The following NUDT3 variants were observed in gnomAD, a reference collection of about 807,000 sequenced individuals.
NUDT3 encodes the protein nudix hydrolase 3, also known as diphosphoinositol polyphosphate phosphohydrolase 1.
A neutral mutation model predicts 23.6 loss-of-function variants in NUDT3; 9 were observed. The observed-to-expected ratio is 0.38, with a 90% confidence interval of 0.23 to 0.66. The LOEUF is 0.66. Ranked by LOEUF, NUDT3 falls within the 30% of genes least tolerant of loss-of-function variation. NUDT3 has a pLI of 0.52. For missense variants in NUDT3, 172 were observed against 218.5 expected (o/e 0.79, Z 1.34); for synonymous variants, 86 against 82.6 (o/e 1.04, Z -0.22).
chr6:34,354,424 CACACAT>C lies in NUDT3; in HGVS notation c.100-12458_100-12453del, dbSNP rs1223694197. Among the ~76,000 whole-genome samples, 565 of 145,796 alleles carry C rather than the reference CACACAT, an allele frequency of 3.9e-3. 5 individuals carry two copies. The highest frequency in any genetic ancestry group is 0.019 in the East Asian group (96 of 5,118). ...ACACACACACACACACACACACACACACACATACACACTCTTGGCCGGGCACAGTGG... is the reference window on the plus strand; with the variant it reads ...ACACACACACACACACACACACACACACACACTCTTGGCCGGGCACAGTGG... On this transcript the variant is annotated intron_variant, in intron 1 of 4. Transcript: ENST00000607016.
chr6:34,351,161 G>A (rs962945624), intron 1 of NUDT3, among the ~76,000 whole-genome samples: 2 of 105,620 alleles, frequency 1.9e-5, no homozygotes, highest in East Asian at 3.1e-4. Flanking sequence ...ACCAGCCTGG[G>A]CAACACATTG....
At chr6:34,351,198 T>TAAAA (rs71000051) in intron 1 of NUDT3, among the ~76,000 whole-genome samples, 294 of 17,876 alleles carry the variant, frequency 0.016, 72 homozygotes, top group Non-Finnish European at 0.027. Flanking sequence ...CTCCCCTGCC[T>TAAAA]AAAAAAAAAA....
chr6:34,389,779 C>T (rs548010613), intron 1 of NUDT3, among the ~76,000 whole-genome samples: 18 of 152,148 alleles, frequency 1.2e-4, no homozygotes, highest in African/African-American at 3.6e-4. Context: ...CTGGCTAACA[C>T]GGTAACAACC....
intron 2 of NUDT3, among the ~76,000 whole-genome samples, chr6:34,325,994 C>T (rs956476325): frequency 4.0e-5 from 6 of 151,598 alleles, no homozygotes; most frequent in Non-Finnish European, 7.4e-5. Flanking sequence ...AAATGTCAAA[C>T]ATACAGAAAA....
chr6:34,380,961 T>C (rs139550115), intron 1 of NUDT3, among the ~76,000 whole-genome samples: 14 of 152,248 alleles, frequency 9.2e-5, no homozygotes, highest in Non-Finnish European at 1.8e-4. Context: ...CTTCAAAGGC[T>C]TCTCCAATTC....
At chr6:34,289,240 T>A (rs1285430112) in intron 4 of NUDT3, among the ~76,000 whole-genome samples, 1 of 152,098 alleles carries the variant, frequency 6.6e-6, no homozygotes, top group African/African-American at 2.4e-5. Context: ...TACATAGGGA[T>A]CAAAGCCCAG....
intron 2 of NUDT3, among the ~76,000 whole-genome samples, chr6:34,325,999 A>T (rs1419068250): frequency 2.0e-5 from 3 of 151,678 alleles, no homozygotes; most frequent in African/African-American, 7.3e-5. Context: ...TCAAACATAC[A>T]GAAAAATTAT....
chr6:34,322,015 AT>A (rs946861963), intron 2 of NUDT3, among the ~76,000 whole-genome samples: 63 of 152,200 alleles, frequency 4.1e-4, no homozygotes, highest in African/African-American at 1.4e-3. Context: ...GAAAGCCTTA[AT>A]TAGTTTAACT....
chr6:34,374,332 G>T (rs189255525), intron 1 of NUDT3, among the ~76,000 whole-genome samples: 108 of 152,246 alleles, frequency 7.1e-4, no homozygotes, highest in African/African-American at 2.6e-3. Flanking sequence ...TGGCTGGATA[G>T]ATCATGTCTA....
chr6:34,293,803 A>G (rs970966008), intron 3 of NUDT3, among the ~76,000 whole-genome samples: 2 of 152,170 alleles, frequency 1.3e-5, no homozygotes, highest in Non-Finnish European at 2.9e-5. Flanking sequence ...CAGGAATACT[A>G]TGAGAAGAAA....
At chr6:34,346,796 C>A (rs1293840454) in intron 1 of NUDT3, among the ~76,000 whole-genome samples, 2 of 152,100 alleles carry the variant, frequency 1.3e-5, no homozygotes, top group African/African-American at 2.4e-5. Context: ...CATTCTGTTG[C>A]CCAGGCTGAA....
rs949428320 is a variant in NUDT3, at chr6:34,293,544, C to T, written c.256-9G>A. ...TGCTTCCTCTCCTGGTTCTGAAGGG[C>T]AAAGAGAGAAGGATAGAGAGAGTTT... On this transcript the variant is annotated splice_polypyrimidine_tract_variant and intron_variant, in intron 3 of 4. Transcript: ENST00000607016. 3.1e-6 allele frequency: 5 copies of T among 1,613,844 alleles called. No individual in the cohort carries two copies. Among genetic ancestry groups the T allele is most frequent in the Non-Finnish European group, 4.2e-6 (5 of 1,179,944 alleles).
intron 1 of NUDT3, among the ~76,000 whole-genome samples, chr6:34,382,986 G>A (rs1034732680): frequency 7.3e-5 from 11 of 150,686 alleles, no homozygotes; most frequent in African/African-American, 2.5e-4. Context: ...AATTAGCTGG[G>A]TGCGGTGGCA....
chr6:34,316,735 G>A (rs1334574648), intron 2 of NUDT3, among the ~76,000 whole-genome samples: 2 of 152,192 alleles, frequency 1.3e-5, no homozygotes, highest in African/African-American at 2.4e-5. Flanking sequence ...TGGTATTAGA[G>A]GAGCAGCAAG....
Position 34,312,892 on chromosome 6 carries a change from C to T in NUDT3, c.211-17207G>A, listed in dbSNP as rs115176347. On this transcript the variant is annotated intron_variant, in intron 2 of 4. Transcript: ENST00000607016. ...ATGTAAGGACATGGAGAGGGCCAGG[C>T]ATGGTGGCTCACGTCTATAATCCCA... Among the ~76,000 whole-genome samples the T allele has an allele frequency of 3.2e-3, 491 of 152,252 alleles. 4 individuals carry two copies. The highest frequency in any genetic ancestry group is 0.027 in the Middle Eastern group (8 of 294).
Position 34,288,880 on chromosome 6 carries a change from T to A in NUDT3, c.392A>T (p.Tyr131Phe). 1.2e-6 allele frequency: 2 copies of A among 1,614,060 alleles called. No homozygotes were observed. The highest frequency in any genetic ancestry group is 1.7e-4 in the Middle Eastern group (1 of 6,060). Residue 131 changes from tyrosine (Y) to phenylalanine (F), a missense_variant, in exon 5 of 5, where the codon TAT (tyrosine) becomes TTT (phenylalanine). Transcript: ENST00000607016. ...ATATGATGCCTGCACGGGTTTGTGA[T>A]ACTGCAGCACTTTTATGGCGTCTTC... ...KIEDAIKVLQ[Y>F]HKPVQASYFE... is the part of the protein sequence containing the mutation.
At chr6:34,329,446 A>G (rs1186309113) in intron 2 of NUDT3, among the ~76,000 whole-genome samples, 1 of 151,852 alleles carries the variant, frequency 6.6e-6, no homozygotes, top group Non-Finnish European at 1.5e-5. Context: ...ACGCCTGGCT[A>G]ATTTTTGTAT....
intron 1 of NUDT3, among the ~76,000 whole-genome samples, chr6:34,364,636 C>T (rs922325074): frequency 6.6e-6 from 1 of 152,194 alleles, no homozygotes; most frequent in African/African-American, 2.4e-5. Context: ...AGCTTTACCT[C>T]CCATCATAAA....
chr6:34,286,772 CAAAAAA>C lies in NUDT3; in HGVS notation c.*1975_*1980del, dbSNP rs1339204415. ...GAGGATGTAAACTAAGAGTATATAG[CAAAAAA>C]AAAAAAAAAAATTTTTTTTTTTTTT... On this transcript the variant is annotated 3_prime_UTR_variant, in exon 5 of 5. Coordinates refer to ENST00000607016, the MANE Select transcript of NUDT3 (RefSeq NM_006703.4). 1.0e-5 allele frequency: 1 copy of C among 97,904 alleles called. No individual in the cohort carries two copies. Among genetic ancestry groups the C allele is most frequent in the Non-Finnish European group, 2.1e-5 (1 of 48,734 alleles). 6.1% of individuals were successfully genotyped at this position (97,904 alleles called of 1,614,324 possible). A position where few individuals can be genotyped will look rare whatever the true frequency, so the allele number is the denominator to read the frequency against.
Sources: allele counts gnomAD v4.1 joint callset (sites outside exome capture counted in the v4.1 genomes callset), GRCh38; gene constraint gnomAD v4.1.1; transcripts MANE v1.5; gene names NCBI Gene and HGNC (gene_info 2026-07-23, HGNC 2026-07-21).